Variants in PPP2R2B observed in about 807,000 individuals in gnomAD.
PPP2R2B encodes the protein serine/threonine-protein phosphatase 2A 55 kDa regulatory subunit B beta isoform.
Under a neutral mutation model 46.0 loss-of-function variants are expected in PPP2R2B, and 5 were observed. That is an observed-to-expected ratio of 0.11 (90% CI 0.06 to 0.23). The LOEUF is 0.23. Among genes scored for constraint, PPP2R2B ranks in the 10% least tolerant of loss-of-function variants. The pLI is 1.00. For synonymous variants in PPP2R2B, 215 were observed against 206.7 expected (o/e 1.04, Z -0.34); for missense variants, 367 against 575.0 (o/e 0.64, Z 3.70).
intron 1 of PPP2R2B, among the ~76,000 whole-genome samples, chr5:146,909,901 C>A (rs981398146): frequency 2.0e-5 from 3 of 152,190 alleles, no homozygotes; most frequent in Non-Finnish European, 2.9e-5. Context: ...TAAGGACTAC[C>A]CCTATGGCTA....
In PPP2R2B at chr5:146,590,091, C is replaced by G; in HGVS notation, c.1188G>C (p.Gly396=). Residue 396 remains glycine (G), a synonymous_variant, in exon 10 of 10, where the codon GGG becomes GGC. Coordinates refer to ENST00000394411, the MANE Select transcript of PPP2R2B (RefSeq NM_181675.4). Reference sequence around the variant, plus strand: ...TGATCTCGTCTTTTCTCCGCTTGCCCCCCACACACACTTTTCGGGGTTTGA... The same window carrying G: ...TGATCTCGTCTTTTCTCCGCTTGCCGCCCACACACACTTTTCGGGGTTTGA... ...AILKPRKVCV[G]GKRRKDEISV... is the part of the protein sequence containing the mutation. The G allele has an allele frequency of 6.2e-7, 1 of 1,614,096 alleles. No homozygotes were observed. Among genetic ancestry groups the G allele is most frequent in the Middle Eastern group, 1.6e-4 (1 of 6,062 alleles).
intron 2 of PPP2R2B, among the ~76,000 whole-genome samples, chr5:146,781,093 C>T (rs935990568): frequency 7.8e-6 from 1 of 127,974 alleles, no homozygotes; most frequent in Non-Finnish European, 1.6e-5. Flanking sequence ...TAACTTCTTC[C>T]TATATAATTA....
chr5:146,685,012 C>T (rs1012055795), intron 5 of PPP2R2B, among the ~76,000 whole-genome samples: 1 of 152,168 alleles, frequency 6.6e-6, no homozygotes, highest in Non-Finnish European at 1.5e-5. Context: ...CTCCTCCATG[C>T]CCCCTAAGGA....
chr5:146,891,999 G>C (rs559019186), intron 1 of PPP2R2B, among the ~76,000 whole-genome samples: 2 of 152,204 alleles, frequency 1.3e-5, no homozygotes, highest in African/African-American at 4.8e-5. Context: ...AAGACTCATG[G>C]AGCGATTACC....
Position 146,878,723 on chromosome 5 carries a change from T to A in PPP2R2B, c.-257A>T. On this transcript the variant is annotated 5_prime_UTR_variant, in exon 1 of 10. Coordinates refer to ENST00000394411, the MANE Select transcript of PPP2R2B (RefSeq NM_181675.4). The surrounding 1 kb of genome is among the most constrained non-coding windows in gnomAD (Gnocchi z 4.5). ...CACCCTCACACCCACACGCGCGCAC[T>A]CGCAGCTGCTGCTGCTGCTGCTGCT... 1.4e-6 allele frequency: 1 copy of A among 736,618 alleles called. No homozygotes were observed. The highest frequency in any genetic ancestry group is 2.7e-5 in the South Asian group (1 of 36,694). 45.6% of individuals were successfully genotyped at this position (736,618 alleles called of 1,614,324 possible). A position where few individuals can be genotyped will look rare whatever the true frequency, so the allele number is the denominator to read the frequency against.
chr5:147,026,477 CT>C (rs1755531550), intron 1 of PPP2R2B, among the ~76,000 whole-genome samples: 1 of 151,950 alleles, frequency 6.6e-6, no homozygotes. Context: ...GCACAAGAAA[CT>C]TTTTGAGGGT....
chr5:147,014,349 C>A (rs1580804271), intron 1 of PPP2R2B, among the ~76,000 whole-genome samples: 1 of 149,660 alleles, frequency 6.7e-6, no homozygotes, highest in Admixed American at 6.7e-5. Context: ...GGATCTAGAA[C>A]TGGAAATACC....
intron 1 of PPP2R2B, among the ~76,000 whole-genome samples, chr5:147,015,696 G>A (rs1754973976): frequency 6.6e-6 from 1 of 150,962 alleles, no homozygotes; most frequent in African/African-American, 2.4e-5. Flanking sequence ...CTTAACTCTT[G>A]AATCTTTATT....
At chr5:146,866,278 C>G (rs1561971605) in intron 2 of PPP2R2B, among the ~76,000 whole-genome samples, 1 of 152,096 alleles carries the variant, frequency 6.6e-6, no homozygotes, top group Non-Finnish European at 1.5e-5. Flanking sequence ...AGTATATGTC[C>G]AATAACTTTG....
intron 6 of PPP2R2B, among the ~76,000 whole-genome samples, chr5:146,647,902 G>A (rs548044887): frequency 3.3e-5 from 5 of 152,322 alleles, no homozygotes; most frequent in East Asian, 3.9e-4. Context: ...AGTCTGTTCC[G>A]TGATCAACAA....
intron 7 of PPP2R2B, among the ~76,000 whole-genome samples, chr5:146,603,845 G>C (rs1772012121): frequency 6.6e-6 from 1 of 152,078 alleles, no homozygotes; most frequent in Non-Finnish European, 1.5e-5. Flanking sequence ...AACCAGTCCA[G>C]GGACACACTG....
chr5:146,999,918 C>T (rs567807480), intron 1 of PPP2R2B, among the ~76,000 whole-genome samples: 2 of 152,190 alleles, frequency 1.3e-5, no homozygotes, highest in African/African-American at 2.4e-5. Flanking sequence ...CCATCAGCTT[C>T]ACCTAGAAGC....
chr5:146,827,660 A>T (rs1304164220), intron 2 of PPP2R2B, among the ~76,000 whole-genome samples: 1 of 152,222 alleles, frequency 6.6e-6, no homozygotes, highest in Non-Finnish European at 1.5e-5. Context: ...ATGAGAAAAT[A>T]AAGGAAATTT....
chr5:146,688,072 T>C (rs923176854), intron 5 of PPP2R2B, among the ~76,000 whole-genome samples: 1 of 152,184 alleles, frequency 6.6e-6, no homozygotes, highest in Non-Finnish European at 1.5e-5. Context: ...TGCTTTTTTT[T>C]TCTTCTACCA....
At chr5:146,807,649 C>T (rs1757255223) in intron 2 of PPP2R2B, among the ~76,000 whole-genome samples, 1 of 151,528 alleles carries the variant, frequency 6.6e-6, no homozygotes, top group Non-Finnish European at 1.5e-5. Flanking sequence ...TGTAACTTGC[C>T]CAAATTCCAA....
At chr5:147,071,272 T>C (rs1383142666) in intron 2 of PPP2R2B, among the ~76,000 whole-genome samples, 1 of 152,106 alleles carries the variant, frequency 6.6e-6, no homozygotes, top group Non-Finnish European at 1.5e-5. Context: ...CTCTGGGGGC[T>C]CCCTGCCTCA....
intron 1 of PPP2R2B, among the ~76,000 whole-genome samples, chr5:146,951,683 C>T (rs1254253006): frequency 6.6e-6 from 1 of 152,076 alleles, no homozygotes; most frequent in African/African-American, 2.4e-5. Flanking sequence ...CTGCAAAGGA[C>T]ATGATCTCAT....
intron 1 of PPP2R2B, among the ~76,000 whole-genome samples, chr5:146,900,827 A>G (rs488072): frequency 0.5 from 74,159 of 148,486 alleles, 20,827 homozygotes; most frequent in African/African-American, 0.75. Flanking sequence ...CCAGTGTGTT[A>G]TTGTTCCCCT....
chr5:146,940,240 A>G (rs1252120278), intron 1 of PPP2R2B, among the ~76,000 whole-genome samples: 1 of 152,190 alleles, frequency 6.6e-6, no homozygotes, highest in Non-Finnish European at 1.5e-5. Context: ...TACAAGTCTC[A>G]GAGCCCTGCC....
Sources: gnomAD v4.1 joint callset for allele counts (sites outside exome capture counted in the v4.1 genomes callset) on GRCh38, gnomAD v4.1.1 for gene constraint, Gnocchi (gnomAD v3.1) non-coding constraint, MANE v1.5 for transcripts, NCBI Gene and HGNC (gene_info 2026-07-23, HGNC 2026-07-21) for gene names.